The following MSRA variants were observed in gnomAD, a reference collection of about 807,000 sequenced individuals.
The protein encoded by MSRA is mitochondrial peptide methionine sulfoxide reductase.
A neutral mutation model predicts 31.3 loss-of-function variants in MSRA; 54 were observed. The observed-to-expected ratio is 1.73, with a 90% CI of 1.39 to 2.17. The LOEUF (loss-of-function observed/expected upper bound fraction) is 2.17, where lower values mean the gene tolerates loss of function less well. Among genes scored for constraint, MSRA ranks in the 30% most tolerant of loss-of-function variants. MSRA has a pLI of 0.00. For missense variants in MSRA, 507 were observed against 300.9 expected (o/e 1.69, Z -5.07); for synonymous variants, 169 against 116.5 (o/e 1.45, Z -2.90).
At chr8:10,327,869 C>G (rs1330848155) in intron 5 of MSRA, among the ~76,000 whole-genome samples, 1 of 151,932 alleles carries the variant, frequency 6.6e-6, no homozygotes, top group Non-Finnish European at 1.5e-5. Context: ...GGAGGCGGAG[C>G]TTGCAGTGAG....
intron 3 of MSRA, among the ~76,000 whole-genome samples, chr8:10,258,826 G>T (rs1798317065): frequency 6.6e-6 from 1 of 152,238 alleles, no homozygotes; most frequent in African/African-American, 2.4e-5. Flanking sequence ...CAGATAGACA[G>T]CGAGGTGCGG....
chr8:10,175,766 G>T (rs1195346267), intron 1 of MSRA, among the ~76,000 whole-genome samples: 1 of 152,126 alleles, frequency 6.6e-6, no homozygotes, highest in Non-Finnish European at 1.5e-5. Flanking sequence ...AGGACCAAAG[G>T]GTCTTCAAAA....
chr8:10,097,069 A>G (rs1799207350), intron 1 of MSRA, among the ~76,000 whole-genome samples: 1 of 152,174 alleles, frequency 6.6e-6, no homozygotes, highest in East Asian at 1.9e-4. Context: ...ACCTGTCTAT[A>G]GCTTTCCATT....
chr8:10,408,362 C>T (rs1273883352), intron 5 of MSRA, among the ~76,000 whole-genome samples: 1 of 152,072 alleles, frequency 6.6e-6, no homozygotes, highest in Non-Finnish European at 1.5e-5. Context: ...TGCGGTGAAA[C>T]CCTGTCTCTA....
intron 3 of MSRA, among the ~76,000 whole-genome samples, chr8:10,266,943 A>G (rs751171555): frequency 6.6e-6 from 1 of 152,226 alleles, no homozygotes; most frequent in Admixed American, 6.5e-5. Context: ...AGTTTTCATA[A>G]TACATTTAAT....
intron 1 of MSRA, among the ~76,000 whole-genome samples, chr8:10,084,783 C>G (rs1363690325): frequency 6.6e-6 from 1 of 152,128 alleles, no homozygotes; most frequent in Non-Finnish European, 1.5e-5. Flanking sequence ...TTGCCCTATC[C>G]TTTTAGAATT....
intron 3 of MSRA, among the ~76,000 whole-genome samples, chr8:10,278,589 A>C (rs1799449351): frequency 6.6e-6 from 1 of 152,208 alleles, no homozygotes; most frequent in Admixed American, 6.5e-5. Context: ...GCCTTGGCTC[A>C]GCTATGGTGC....
At chr8:10,145,520 A>T (rs1803071788) in intron 1 of MSRA, among the ~76,000 whole-genome samples, 1 of 152,162 alleles carries the variant, frequency 6.6e-6, no homozygotes. Context: ...CCGGCCCTGC[A>T]AGCAGGCATC....
chr8:10,229,224 G>C (rs547090449), intron 2 of MSRA, among the ~76,000 whole-genome samples: 1 of 128,480 alleles, frequency 7.8e-6, no homozygotes, highest in East Asian at 2.0e-4. Flanking sequence ...CAAAGACCTG[G>C]CTGGTGATAC....
At chr8:10,368,945 A>G (rs1227127325) in intron 5 of MSRA, among the ~76,000 whole-genome samples, 2 of 152,202 alleles carry the variant, frequency 1.3e-5, no homozygotes, top group African/African-American at 4.8e-5. Flanking sequence ...CAAGAAAATG[A>G]AATTCTTGTG....
intron 5 of MSRA, among the ~76,000 whole-genome samples, chr8:10,392,778 G>T (rs1806830642): frequency 6.6e-6 from 1 of 150,794 alleles, no homozygotes; most frequent in African/African-American, 2.4e-5. Context: ...CAGGCGTGGT[G>T]GCTCACGCCT....
chr8:10,200,799 G>GC (rs1363099345), intron 1 of MSRA, among the ~76,000 whole-genome samples: 1 of 152,162 alleles, frequency 6.6e-6, no homozygotes, highest in East Asian at 1.9e-4. Flanking sequence ...GAACCTCAGT[G>GC]CCCCTGGGCA....
At position 10,414,916 on chromosome 8, in the gene MSRA, AAGG is replaced by A. The variant is rs1194364725; in HGVS notation, c.544-13229_544-13227del. ...TACAAAGACAGGGACAGGGAAAGAGAAGGAGAAGATCCATGTCTCCCGAAACTG... is the reference window on the plus strand; with the variant it reads ...TACAAAGACAGGGACAGGGAAAGAGAAGAAGATCCATGTCTCCCGAAACTG... On this transcript the variant is annotated intron_variant, in intron 5 of 5. Transcript: ENST00000317173. 2.0e-5 allele frequency among the ~76,000 whole-genome samples: 3 copies of A among 152,336 alleles called. No homozygotes were observed. The East Asian group carries it at 5.8e-4, about 29-fold the overall frequency.
chr8:10,411,031 C>A (rs1808126928), intron 5 of MSRA: 1 of 151,488 alleles, frequency 6.6e-6, no homozygotes, highest in Admixed American at 6.6e-5. Context: ...AAAAAAAAAT[C>A]CTGACTGTAC....
intron 1 of MSRA, among the ~76,000 whole-genome samples, chr8:10,205,571 G>C (rs1282005785): frequency 6.6e-6 from 1 of 152,168 alleles, no homozygotes; most frequent in Non-Finnish European, 1.5e-5. Context: ...GCCATCGACA[G>C]ACCTTGATGG....
At chr8:10,426,803 A>G (rs1809195363) in intron 5 of MSRA, among the ~76,000 whole-genome samples, 1 of 152,232 alleles carries the variant, frequency 6.6e-6, no homozygotes, top group Admixed American at 6.5e-5. Context: ...AGATCATGGC[A>G]TATGGTAGAC....
chr8:10,359,788 C>T (rs1279930610), intron 5 of MSRA, among the ~76,000 whole-genome samples: 1 of 152,148 alleles, frequency 6.6e-6, no homozygotes, highest in East Asian at 1.9e-4. Context: ...CAGACAGAGG[C>T]CCTTTTGCAA....
At chr8:10,208,451 A>G (rs7832976) in intron 2 of MSRA, among the ~76,000 whole-genome samples, 27,408 of 152,216 alleles carry the variant, frequency 0.18, 2,493 homozygotes, top group South Asian at 0.27. Flanking sequence ...TTAAAATTCC[A>G]AACTGTTTGG....
chr8:10,337,582 C>T, intron 5 of MSRA: 3 of 640,388 alleles, frequency 4.7e-6, no homozygotes, highest in South Asian at 1.8e-5. Context: ...CAAGCAGATT[C>T]CTCTCTGTCT....
Sources: gnomAD v4.1 joint callset for allele counts (sites outside exome capture counted in the v4.1 genomes callset) on GRCh38, gnomAD v4.1.1 for gene constraint, MANE v1.5 for transcripts, NCBI Gene and HGNC (gene_info 2026-07-23, HGNC 2026-07-21) for gene names.